Variants in RMDN1 observed in about 807,000 individuals in gnomAD.
RMDN1 encodes the protein regulator of microtubule dynamics 1.
A neutral mutation model predicts 48.9 loss-of-function variants in RMDN1; 48 were observed. The ratio of observed to expected loss-of-function variants is 0.98; its 90% CI spans 0.78 to 1.25. RMDN1 has a LOEUF of 1.25. Among genes scored for constraint, RMDN1 ranks in the 50% most tolerant of loss-of-function variants. The pLI, the probability that RMDN1 is intolerant of heterozygous loss-of-function variation, is 0.00. For synonymous variants in RMDN1, 148 were observed against 132.6 expected, an observed-to-expected ratio of 1.12 and a Z score of -0.80; for missense variants, 418 against 373.4, an observed-to-expected ratio of 1.12 and a Z score of -0.98.
At position 86,484,896 on chromosome 8, in the gene RMDN1, T is replaced by C. The variant is rs774370371; in HGVS notation, c.561A>G (p.Ala187=). ...CCTCAAAATGCTCCTTGATGATATA[T>C]GCATTTGCAATTTTAGCCTTGATGC... is the stretch of plus-strand genomic sequence containing the variant. ...YEGIKAKIAN[A]YIIKEHFEKA... Residue 187 remains alanine (A), a synonymous_variant, in exon 5 of 10, where the codon GCA becomes GCG. Coordinates refer to ENST00000406452, the MANE Select transcript of RMDN1 (RefSeq NM_016033.3). The C allele has an allele frequency of 5.6e-6, 9 of 1,602,616 alleles. No homozygotes were observed. Among genetic ancestry groups the C allele is most frequent in the Admixed American group, 5.1e-5 (3 of 59,378 alleles).
intron 9 of RMDN1, 84 bp from the exon 10 acceptor site, chr8:86,474,442 C>T: frequency 1.7e-6 from 2 of 1,158,360 alleles, no homozygotes; most frequent in South Asian, 1.3e-5. Context: ...AGTGGGGTTT[C>T]TAAGAGTTTC....
At chr8:86,504,077 TG>T in intron 2 of RMDN1, 1 of 932,980 alleles carries the variant, frequency 1.1e-6, no homozygotes, top group Non-Finnish European at 1.8e-6. Flanking sequence ...GTCAGAATTC[TG>T]GTGGCCCAGA....
In RMDN1 at chr8:86,507,052, C is replaced by G; in HGVS notation, c.190G>C (p.Gly64Arg). The G allele has an allele frequency of 1.9e-6, 3 of 1,613,566 alleles. No individual in the cohort carries two copies. The highest frequency in any genetic ancestry group is 1.3e-5 in the African/African-American group (1 of 75,008). The stretch of plus-strand genomic sequence containing the variant: ...GAGATAACCTGGTAAGTTTCAAAAC[C>G]CAAATACGACAAAGCTGAGAGTAAA... ...GLLLSALSYL[G>R]FETYQVISQA... Residue 64 changes from glycine to arginine, a missense_variant, in exon 2 of 10, where the codon GGT becomes CGT. Coordinates refer to ENST00000406452, the MANE Select transcript of RMDN1 (RefSeq NM_016033.3).
At chr8:86,474,642 G>C (rs1372574017) in intron 9 of RMDN1, 178 bp downstream of exon 9, 3 of 760,018 alleles carry the variant, frequency 3.9e-6, no homozygotes, top group Non-Finnish European at 4.6e-6. Context: ...CCTGGTGATA[G>C]TAACTAAATT....
intron 2 of RMDN1, among the ~76,000 whole-genome samples, chr8:86,500,423 A>G (rs1183824105): frequency 6.6e-6 from 1 of 152,118 alleles, no homozygotes; most frequent in Non-Finnish European, 1.5e-5. Flanking sequence ...AAACATGAAA[A>G]AATGTTTCAC....
chr8:86,483,107 C>G lies in RMDN1; in HGVS notation c.585+1765G>C, dbSNP rs533765223. On this transcript the variant is annotated intron_variant, in intron 5 of 9. Transcript: ENST00000406452. ...ATAATCAATCCTTCCTGCCACTGGT[C>G]TTTCAAAAATAATCCAAAGATGTTA... is the stretch of plus-strand genomic sequence containing the variant. The G allele has an allele frequency of 4.4e-5, 17 of 387,540 alleles. 1 individual carries two copies. Among genetic ancestry groups the G allele is most frequent in the African/African-American group, 2.2e-4 (11 of 48,944 alleles). 24.0% of individuals were successfully genotyped at this position (387,540 alleles called of 1,614,324 possible).
At chr8:86,503,546 T>C (rs1818761001) in intron 2 of RMDN1, 1 of 309,494 alleles carries the variant, frequency 3.2e-6, no homozygotes. Flanking sequence ...AGATCTTTAT[T>C]GAAGACTTGA....
At chr8:86,501,270 C>T (rs891157421) in intron 2 of RMDN1, among the ~76,000 whole-genome samples, 1 of 152,168 alleles carries the variant, frequency 6.6e-6, no homozygotes, top group African/African-American at 2.4e-5. Context: ...CTGGTTTTCC[C>T]TTTCAAAGTA....
At chr8:86,486,289 T>C (rs1400505712) in intron 4 of RMDN1, among the ~76,000 whole-genome samples, 195 bp downstream of exon 4, 3 of 152,120 alleles carry the variant, frequency 2.0e-5, no homozygotes, top group African/African-American at 7.2e-5. Context: ...GACTTCTTTT[T>C]GAAAAACTTA....
At chr8:86,504,323 C>A in intron 2 of RMDN1, 1 of 1,579,602 alleles carries the variant, frequency 6.3e-7, no homozygotes, top group Non-Finnish European at 8.7e-7. Flanking sequence ...GATGAGAGTG[C>A]AAGGATGTCA....
At chr8:86,498,717 G>A (rs1817760782) in intron 2 of RMDN1, among the ~76,000 whole-genome samples, 1 of 152,170 alleles carries the variant, frequency 6.6e-6, no homozygotes, top group South Asian at 2.1e-4. Context: ...GGAGGCGGAG[G>A]TTGCAGTGAG....
intron 2 of RMDN1, among the ~76,000 whole-genome samples, chr8:86,501,027 T>C (rs751511173): frequency 2.3e-4 from 35 of 152,064 alleles, no homozygotes; most frequent in African/African-American, 7.7e-4. Context: ...ACAAGAACAA[T>C]AGACGCTGGG....
intron 2 of RMDN1, among the ~76,000 whole-genome samples, chr8:86,502,835 TTC>T (rs1173637026): frequency 6.6e-6 from 1 of 152,210 alleles, no homozygotes; most frequent in East Asian, 1.9e-4. Context: ...CTGTAGCATG[TTC>T]TTTTTCTTCC....
At chr8:86,486,168 T>A (rs1021562675) in intron 4 of RMDN1, among the ~76,000 whole-genome samples, 1 of 152,172 alleles carries the variant, frequency 6.6e-6, no homozygotes, top group Non-Finnish European at 1.5e-5. Context: ...CTACTAAGAA[T>A]ATAGATATAG....
At chr8:86,504,120 G>A (rs1038152348) in intron 2 of RMDN1, 55 of 1,138,102 alleles carry the variant, frequency 4.8e-5, no homozygotes, top group Non-Finnish European at 6.6e-5. Flanking sequence ...TCATCCTTGG[G>A]TCTGAAGAGC....
In RMDN1 at chr8:86,488,647, G is replaced by A. The variant is rs985382058; in HGVS notation, c.248-8C>T. ...GTTCAAGTATTTCTTCAACTTCAAAGATTATAAAGGAAAAAAGACACAATA... is the reference window on the plus strand; with the variant it reads ...GTTCAAGTATTTCTTCAACTTCAAAAATTATAAAGGAAAAAAGACACAATA... On this transcript the variant is annotated splice_polypyrimidine_tract_variant and splice_region_variant and intron_variant, in intron 2 of 9. Coordinates refer to ENST00000406452, the MANE Select transcript of RMDN1 (RefSeq NM_016033.3). The A allele has an allele frequency of 6.3e-7, 1 of 1,591,052 alleles. No homozygotes were observed.
At chr8:86,489,986 A>C (rs905140912) in intron 2 of RMDN1, among the ~76,000 whole-genome samples, 9 of 152,012 alleles carry the variant, frequency 5.9e-5, no homozygotes, top group South Asian at 2.1e-4. Flanking sequence ...GGCAAAAAAA[A>C]CCCCTAAAAT....
intron 1 of RMDN1, among the ~76,000 whole-genome samples, chr8:86,513,982 G>A (rs1031636988): frequency 2.0e-5 from 3 of 151,920 alleles, no homozygotes; most frequent in Non-Finnish European, 1.5e-5. Context: ...TAGGACCACA[G>A]TCGCGTGCCA....
intron 3 of RMDN1, 68 bp from the exon 4 acceptor site, chr8:86,486,711 C>A: frequency 8.2e-7 from 1 of 1,218,344 alleles, no homozygotes; most frequent in Non-Finnish European, 1.1e-6. Context: ...GGTTACATTA[C>A]TAATGAATAC....
Sources: allele counts gnomAD v4.1 joint callset (sites outside exome capture counted in the v4.1 genomes callset), GRCh38; gene constraint gnomAD v4.1.1; transcripts MANE v1.5; gene names NCBI Gene and HGNC (gene_info 2026-07-23, HGNC 2026-07-21).